The following PRKG1 variants were observed in gnomAD, a reference collection of about 807,000 sequenced individuals.
The protein encoded by PRKG1 is cGMP-dependent protein kinase 1.
PRKG1 carries 35 observed loss-of-function variants against 88.1 expected under a neutral mutation model. The observed-to-expected ratio is 0.40, with a 90% CI of 0.30 to 0.53. The LOEUF (loss-of-function observed/expected upper bound fraction) is 0.53. PRKG1 is among the 20% of genes least tolerant of loss of function. PRKG1 has a pLI of 0.59. For synonymous variants in PRKG1, 303 were observed against 292.5 expected (o/e 1.04, Z -0.37); for missense variants, 540 against 839.8 (o/e 0.64, Z 4.41).
intron 2 of PRKG1, among the ~76,000 whole-genome samples, chr10:51,322,512 A>G (rs1841482879): frequency 6.6e-6 from 1 of 152,220 alleles, no homozygotes; most frequent in African/African-American, 2.4e-5. Context: ...AGAGAAGCAG[A>G]GAAAATACAG....
chr10:51,240,055 G>A (rs1839110463), intron 2 of PRKG1, among the ~76,000 whole-genome samples: 1 of 152,160 alleles, frequency 6.6e-6, no homozygotes, highest in Admixed American at 6.6e-5. Context: ...CATCTGAGCA[G>A]GTATTAATTT....
intron 4 of PRKG1, among the ~76,000 whole-genome samples, chr10:51,903,769 A>G (rs1420628025): frequency 6.6e-6 from 1 of 152,116 alleles, no homozygotes; most frequent in Non-Finnish European, 1.5e-5. Flanking sequence ...TTTTTAGTAT[A>G]TTCATTGAAA....
intron 3 of PRKG1, among the ~76,000 whole-genome samples, chr10:51,547,958 A>AT (rs1294753115): frequency 6.6e-6 from 1 of 152,048 alleles, no homozygotes; most frequent in Non-Finnish European, 1.5e-5. Context: ...GGCTTAATTC[A>AT]TTTTTTTAAG....
chr10:52,253,635 A>G (rs1435747726), intron 10 of PRKG1, among the ~76,000 whole-genome samples: 2 of 151,622 alleles, frequency 1.3e-5, no homozygotes, highest in African/African-American at 4.8e-5. Flanking sequence ...ATATACATAT[A>G]TATGTACATA....
intron 5 of PRKG1, among the ~76,000 whole-genome samples, chr10:51,941,663 C>G (rs887756972): frequency 3.4e-5 from 5 of 145,770 alleles, no homozygotes; most frequent in African/African-American, 1.3e-4. Flanking sequence ...TCCATCTGTT[C>G]TCATTGTTCA....
intron 3 of PRKG1, among the ~76,000 whole-genome samples, chr10:51,647,127 G>A (rs1027419416): frequency 6.8e-6 from 1 of 147,172 alleles, no homozygotes; most frequent in Non-Finnish European, 1.5e-5. Flanking sequence ...TTGTTGGAGA[G>A]CCAGTGAGTT....
At chr10:51,846,050 A>G (rs1438336739) in intron 4 of PRKG1, among the ~76,000 whole-genome samples, 1 of 152,170 alleles carries the variant, frequency 6.6e-6, no homozygotes, top group Admixed American at 6.6e-5. Context: ...ACATATAAGA[A>G]CCAGCTCCCC....
rs1881597 is a variant in PRKG1, at chr10:52,294,057, C to T, written c.*157C>T. On this transcript the variant is annotated 3_prime_UTR_variant, in exon 18 of 18. Transcript: ENST00000373980. ...GTAACTACAGTGGCATTAGGACTTACCGCTTAGATGACAATAGTGCTCTTT... is the reference window on the plus strand; with the variant it reads ...GTAACTACAGTGGCATTAGGACTTATCGCTTAGATGACAATAGTGCTCTTT... 164,847 of 568,200 alleles carry T rather than the reference C, an allele frequency of 0.29. 25,140 individuals are homozygous for T. The highest frequency in any genetic ancestry group is 0.37 in the South Asian group (13,881 of 37,148). 35.2% of individuals were successfully genotyped at this position (568,200 alleles called of 1,614,324 possible). A position where few individuals can be genotyped will look rare whatever the true frequency, so the allele number is the denominator to read the frequency against.
rs113892951 is a variant in PRKG1, at chr10:52,063,152, C to T, written c.935+521C>T. 4.3e-3 allele frequency among the ~76,000 whole-genome samples: 653 copies of T among 152,284 alleles called. 1 individual carries two copies. The highest frequency in any genetic ancestry group is 0.015 in the African/African-American group (638 of 41,548). On this transcript the variant is annotated intron_variant, in intron 7 of 17. Coordinates refer to ENST00000373980, the MANE Select transcript of PRKG1 (RefSeq NM_006258.4). The stretch of plus-strand genomic sequence containing the variant: ...GGCAGGTTGCATTCAGTTCACACTA[C>T]CGACCTGGTTCCCACATCTTCAAGG...
At chr10:51,636,679 G>A (rs1839663962) in intron 3 of PRKG1, among the ~76,000 whole-genome samples, 1 of 152,070 alleles carries the variant, frequency 6.6e-6, no homozygotes, top group Non-Finnish European at 1.5e-5. Flanking sequence ...AAATAGAAGG[G>A]GCTTTTCATT....
At chr10:51,420,969 A>C (rs952414643) in intron 2 of PRKG1, among the ~76,000 whole-genome samples, 6 of 152,178 alleles carry the variant, frequency 3.9e-5, no homozygotes, top group African/African-American at 1.2e-4. Context: ...GACAGCATCA[A>C]GCCTTGAGGG....
At chr10:52,266,047 T>C (rs927961594) in intron 10 of PRKG1, among the ~76,000 whole-genome samples, 2 of 151,996 alleles carry the variant, frequency 1.3e-5, no homozygotes, top group Non-Finnish European at 2.9e-5. Context: ...ATAATCTTTG[T>C]TTTTTGAGAA....
intron 5 of PRKG1, among the ~76,000 whole-genome samples, chr10:52,038,044 T>C (rs752287596): frequency 7.2e-5 from 11 of 152,142 alleles, no homozygotes; most frequent in Non-Finnish European, 1.2e-4. Flanking sequence ...ATTACTTAGA[T>C]CTTGCAGGAT....
Position 51,440,670 on chromosome 10 carries a change from T to A in PRKG1, c.479-27053T>A, listed in dbSNP as rs117522231. Among the ~76,000 whole-genome samples, 1,265 of 152,098 alleles carry A rather than the reference T, an allele frequency of 8.3e-3. 1 individual carries two copies. The highest frequency in any genetic ancestry group is 0.018 in the South Asian group (86 of 4,822). Reference sequence around the variant, plus strand: ...GTGATCATTATAAATTCTGTCATGGTAACTTTAGTGTAGGGTGTTGCTACA... The same window carrying A: ...GTGATCATTATAAATTCTGTCATGGAAACTTTAGTGTAGGGTGTTGCTACA... On this transcript the variant is annotated intron_variant, in intron 2 of 17. Transcript: ENST00000373980.
At chr10:52,243,940 G>A (rs1006121515) in intron 9 of PRKG1, among the ~76,000 whole-genome samples, 1 of 152,154 alleles carries the variant, frequency 6.6e-6, no homozygotes, top group Admixed American at 6.5e-5. Context: ...TCAAAGAAAA[G>A]TCTATTTCTG....
At chr10:51,438,211 G>A (rs902904358) in intron 2 of PRKG1, among the ~76,000 whole-genome samples, 1 of 150,136 alleles carries the variant, frequency 6.7e-6, no homozygotes, top group Non-Finnish European at 1.5e-5. Flanking sequence ...AAAAAAAAAT[G>A]TGAAGAATTA....
intron 5 of PRKG1, among the ~76,000 whole-genome samples, chr10:51,995,035 G>A (rs967306916): frequency 2.6e-5 from 4 of 151,566 alleles, no homozygotes; most frequent in Admixed American, 2.6e-4. Flanking sequence ...GCTATTAATC[G>A]GCACTTAATA....
chr10:52,078,048 G>A (rs1032160209), intron 7 of PRKG1, among the ~76,000 whole-genome samples: 2 of 152,198 alleles, frequency 1.3e-5, no homozygotes, highest in African/African-American at 2.4e-5. Context: ...CGACGACATC[G>A]TTGCTGCAAG....
intron 3 of PRKG1, among the ~76,000 whole-genome samples, chr10:51,648,985 C>T (rs924243205): frequency 6.6e-6 from 1 of 151,984 alleles, no homozygotes; most frequent in South Asian, 2.1e-4. Flanking sequence ...GGGCGGAACA[C>T]GTAAGTCCAG....
Sources: allele counts gnomAD v4.1 joint callset (sites outside exome capture counted in the v4.1 genomes callset), GRCh38; gene constraint gnomAD v4.1.1; transcripts MANE v1.5; gene names NCBI Gene and HGNC (gene_info 2026-07-23, HGNC 2026-07-21).